Variants in GABRB1 observed in about 807,000 individuals in gnomAD.
GABRB1 encodes gamma-aminobutyric acid receptor subunit beta-1.
Under a neutral mutation model 51.6 loss-of-function variants are expected in GABRB1, and 17 were observed. The observed-to-expected ratio is 0.33, with a 90% confidence interval of 0.23 to 0.49. GABRB1 has a LOEUF of 0.49. GABRB1 is among the 20% of genes least tolerant of loss of function. The pLI is 0.99. For missense variants in GABRB1, 410 were observed against 600.6 expected (o/e 0.68, Z 3.32); for synonymous variants, 247 against 218.9 (o/e 1.13, Z -1.14).
chr4:47,296,370 C>T (rs1252486989), intron 4 of GABRB1, among the ~76,000 whole-genome samples: 2 of 152,136 alleles, frequency 1.3e-5, no homozygotes, highest in East Asian at 1.9e-4. Context: ...ACCCATCTCA[C>T]ATGCAGAGAC....
intron 4 of GABRB1, among the ~76,000 whole-genome samples, chr4:47,303,228 G>A (rs896034391): frequency 7.2e-5 from 11 of 151,812 alleles, no homozygotes; most frequent in African/African-American, 2.7e-4. Context: ...AGAAATCACA[G>A]CCTTCTTGCA....
chr4:47,211,945 T>C (rs958208679), intron 4 of GABRB1, among the ~76,000 whole-genome samples: 1 of 152,168 alleles, frequency 6.6e-6, no homozygotes, highest in Admixed American at 6.5e-5. Context: ...CAGGATAATC[T>C]CATCCCAACA....
intron 5 of GABRB1, among the ~76,000 whole-genome samples, chr4:47,352,842 T>G (rs1726406359): frequency 6.6e-6 from 1 of 152,214 alleles, no homozygotes; most frequent in Non-Finnish European, 1.5e-5. Flanking sequence ...TATAGGATGT[T>G]CAGAGATCTT....
intron 3 of GABRB1, among the ~76,000 whole-genome samples, chr4:47,143,791 T>C (rs1167410208): frequency 4.6e-5 from 7 of 151,876 alleles, no homozygotes; most frequent in Admixed American, 4.6e-4. Flanking sequence ...GTTGAAATGC[T>C]TAATACATGT....
At chr4:47,013,495 G>A (rs1473696498) in intron 1 of GABRB1, among the ~76,000 whole-genome samples, 1 of 152,040 alleles carries the variant, frequency 6.6e-6, no homozygotes, top group Non-Finnish European at 1.5e-5. Context: ...GATGTTTCTT[G>A]GTTTAAAGGA....
intron 3 of GABRB1, among the ~76,000 whole-genome samples, chr4:47,148,529 C>T (rs1717280295): frequency 1.3e-5 from 2 of 151,998 alleles, no homozygotes; most frequent in Admixed American, 1.3e-4. Context: ...AATATAGTTG[C>T]TACTATAACT....
At chr4:47,376,494 A>G (rs1727382069) in intron 5 of GABRB1, among the ~76,000 whole-genome samples, 1 of 152,066 alleles carries the variant, frequency 6.6e-6, no homozygotes, top group South Asian at 2.1e-4. Context: ...AAAATACAAA[A>G]AAATTAGCCG....
At chr4:47,106,439 A>G (rs1189633794) in intron 3 of GABRB1, among the ~76,000 whole-genome samples, 2 of 152,086 alleles carry the variant, frequency 1.3e-5, no homozygotes, top group African/African-American at 4.8e-5. Flanking sequence ...TAGAAAAAAA[A>G]TCTATATTAA....
chr4:47,219,711 T>C (rs1469885716), intron 4 of GABRB1, among the ~76,000 whole-genome samples: 1 of 151,896 alleles, frequency 6.6e-6, no homozygotes, highest in Non-Finnish European at 1.5e-5. Flanking sequence ...CATTTTATTC[T>C]AAACACACAC....
intron 4 of GABRB1, among the ~76,000 whole-genome samples, chr4:47,199,270 T>A (rs1719804373): frequency 6.6e-6 from 1 of 152,124 alleles, no homozygotes; most frequent in African/African-American, 2.4e-5. Context: ...AGATTAACTC[T>A]CAGAAAAGTG....
intron 3 of GABRB1, among the ~76,000 whole-genome samples, chr4:47,129,492 T>C (rs748395293): frequency 6.6e-6 from 1 of 152,240 alleles, no homozygotes; most frequent in Non-Finnish European, 1.5e-5. Context: ...TCCTATGATG[T>C]GCCAGGCACT....
chr4:47,008,853 C>CTTTTTTTTTTTT (rs1491180948), intron 1 of GABRB1, among the ~76,000 whole-genome samples: 2 of 80,094 alleles, frequency 2.5e-5, no homozygotes, highest in African/African-American at 5.3e-5. Flanking sequence ...CAGATACTAC[C>CTTTTTTTTTTTT]TTTTTTTTTT....
At chr4:47,030,672 A>G (rs1189780740), upstream of GABRB1, among the ~76,000 whole-genome samples, 7 of 152,188 alleles carry the variant, frequency 4.6e-5, no homozygotes, top group Non-Finnish European at 1.5e-5. Context: ...GAAGTTACTG[A>G]ATTTGATTTA....
intron 1 of GABRB1, among the ~76,000 whole-genome samples, chr4:47,000,303 A>G (rs1198743553): frequency 6.6e-6 from 1 of 152,226 alleles, no homozygotes; most frequent in Non-Finnish European, 1.5e-5. Flanking sequence ...AGAGGAATGA[A>G]ATAAGGGAAA....
chr4:47,048,905 T>C (rs569785943), intron 3 of GABRB1, among the ~76,000 whole-genome samples: 61 of 152,248 alleles, frequency 4.0e-4, no homozygotes, highest in African/African-American at 1.4e-3. Context: ...TCTAAATGAA[T>C]GGATAGGCAG....
intron 5 of GABRB1, among the ~76,000 whole-genome samples, chr4:47,380,534 T>G (rs1349324292): frequency 6.6e-6 from 1 of 152,198 alleles, no homozygotes; most frequent in Non-Finnish European, 1.5e-5. Context: ...AAAGAATTTT[T>G]CTAGTACAAT....
chr4:47,161,221 T>C lies in GABRB1; in HGVS notation c.241-28T>C, dbSNP rs766119568. ...GATGATAATGATAGTAAAATTCTTT[T>C]TTTTTTTTTGCTTTCTTTATTTCAC... On this transcript the variant is annotated intron_variant, in intron 3 of 8. Transcript: ENST00000295454. The C allele has an allele frequency of 2.8e-6, 4 of 1,425,476 alleles. No homozygotes were observed. In the South Asian group the frequency reaches 3.7e-5, roughly 13 times the overall value. 88.3% of individuals were successfully genotyped at this position (1,425,476 alleles called of 1,614,324 possible). A position where few individuals can be genotyped will look rare whatever the true frequency, so the allele number is the denominator to read the frequency against.
chr4:47,362,417 T>C (rs1726840080), intron 5 of GABRB1, among the ~76,000 whole-genome samples: 1 of 152,094 alleles, frequency 6.6e-6, no homozygotes, highest in Admixed American at 6.6e-5. Flanking sequence ...AGCCATAAAA[T>C]TTATATCTGT....
chr4:47,023,879 T>C (rs1725007444), intron 1 of GABRB1, among the ~76,000 whole-genome samples: 1 of 151,976 alleles, frequency 6.6e-6, no homozygotes, highest in African/African-American at 2.4e-5. Context: ...TCCGGGAACA[T>C]TACTTTTAAA....
Sources: allele counts gnomAD v4.1 joint callset (sites outside exome capture counted in the v4.1 genomes callset), GRCh38; gene constraint gnomAD v4.1.1; transcripts MANE v1.5; gene names NCBI Gene and HGNC (gene_info 2026-07-23, HGNC 2026-07-21).